SSH2: variants seen among roughly 807,000 people sequenced by gnomAD.
SSH2 encodes the protein protein phosphatase Slingshot homolog 2.
Under a neutral mutation model 135.2 loss-of-function variants are expected in SSH2, and 37 were observed. That is an observed-to-expected ratio of 0.27 (90% CI 0.21 to 0.36). The LOEUF (loss-of-function observed/expected upper bound fraction) is 0.36. Ranked by LOEUF, SSH2 falls within the 10% of genes least tolerant of loss-of-function variation. The probability of loss-of-function intolerance (pLI) is 1.00; values close to 1 mark genes in which losing one functional copy is unlikely to be tolerated. For synonymous variants in SSH2, 628 were observed against 646.2 expected (o/e 0.97, Z 0.43); for missense variants, 1,408 against 1,765.3 (o/e 0.80, Z 3.63).
chr17:29,746,547 C>CAAAAAAA (rs57217896), intron 3 of SSH2, among the ~76,000 whole-genome samples: 2 of 67,938 alleles, frequency 2.9e-5, no homozygotes, highest in Non-Finnish European at 5.2e-5. Context: ...GACTCTGTCT[C>CAAAAAAA]AAAAAAAAAA....
intron 15 of SSH2, among the ~76,000 whole-genome samples, chr17:29,633,622 C>T (rs959297345): frequency 6.6e-6 from 1 of 152,252 alleles, no homozygotes; most frequent in African/African-American, 2.4e-5. Flanking sequence ...ACTTGGCTTA[C>T]ACAGCCACAT....
chr17:29,853,086 A>ATTTT (rs35782935), intron 1 of SSH2, among the ~76,000 whole-genome samples: 5 of 134,772 alleles, frequency 3.7e-5, no homozygotes, highest in Admixed American at 1.6e-4. Context: ...CACTGCAGAG[A>ATTTT]TTTTTTTTTT....
At chr17:29,928,514 C>T in intron 1 of SSH2, 1 of 398,516 alleles carries the variant, frequency 2.5e-6, no homozygotes, top group East Asian at 3.6e-5. Context: ...CAGTGCACTC[C>T]ACTGTTACAA....
intron 3 of SSH2, among the ~76,000 whole-genome samples, chr17:29,719,604 G>C (rs1301242810): frequency 6.6e-6 from 1 of 151,054 alleles, no homozygotes; most frequent in Non-Finnish European, 1.5e-5. Flanking sequence ...ATGATGCCTA[G>C]TACTTTACAA....
At chr17:29,664,776 A>G (rs1215950328) in intron 11 of SSH2, among the ~76,000 whole-genome samples, 4 of 152,204 alleles carry the variant, frequency 2.6e-5, no homozygotes, top group Non-Finnish European at 5.9e-5. Context: ...TTGATTAGAG[A>G]AATGTAATTT....
rs573156211 is a variant in SSH2, at chr17:29,909,729, C to T, written c.63+20209G>A. ...GTATTTGTTATTTCCAGTGCTTACA[C>T]TGAGCAAAAAAACCACCCCATTACC... On this transcript the variant is annotated intron_variant, in intron 1 of 15. Coordinates refer to ENST00000540801, the MANE Select transcript of SSH2 (RefSeq NM_001282129.2). Among the ~76,000 whole-genome samples the T allele has an allele frequency of 3.9e-5, 6 of 152,246 alleles. No homozygotes were observed. In the South Asian group the frequency reaches 1.2e-3, roughly 32 times the overall value.
At chr17:29,928,512 T>TG in intron 1 of SSH2, 1 of 398,572 alleles carries the variant, frequency 2.5e-6, no homozygotes, top group East Asian at 3.6e-5. Context: ...GGCAGTGCAC[T>TG]CCACTGTTAC....
rs771700773 is a variant in SSH2 at position 29,628,287 on chromosome 17, T to C, written c.*2554A>G. ...AATTAAATGATAAAAAAAGTAATTA[T>C]AAAAAGGCAGAAAGACTTTCCTCTG... On this transcript the variant is annotated 3_prime_UTR_variant, in exon 16 of 16. Transcript: ENST00000540801. The C allele has an allele frequency of 1.3e-5, 2 of 152,234 alleles. No individual in the cohort carries two copies. Among genetic ancestry groups the C allele is most frequent in the Non-Finnish European group, 2.9e-5 (2 of 68,042 alleles). 9.4% of individuals were successfully genotyped at this position (152,234 alleles called of 1,614,324 possible).
chr17:29,854,856 G>C (rs200732635), intron 1 of SSH2, among the ~76,000 whole-genome samples: 1 of 151,702 alleles, frequency 6.6e-6, no homozygotes, highest in East Asian at 2.0e-4. Flanking sequence ...CTGAGGCAGG[G>C]GAATCACTTG....
intron 6 of SSH2, among the ~76,000 whole-genome samples, chr17:29,681,331 C>CAAA (rs764461213): frequency 0.027 from 382 of 14,266 alleles, 62 homozygotes; most frequent in African/African-American, 0.03. Flanking sequence ...GAGACTGTCT[C>CAAA]AAAAAAAAAA....
chr17:29,731,071 C>T (rs2040173587), intron 3 of SSH2, among the ~76,000 whole-genome samples: 1 of 152,166 alleles, frequency 6.6e-6, no homozygotes, highest in Non-Finnish European at 1.5e-5. Context: ...TTTCTAATCA[C>T]ACTTCACTTA....
chr17:29,801,701 G>A (rs961982606), intron 2 of SSH2, among the ~76,000 whole-genome samples: 2 of 152,094 alleles, frequency 1.3e-5, no homozygotes, highest in African/African-American at 2.4e-5. Flanking sequence ...TCTCCTTAAG[G>A]GCAGGAACTA....
intron 3 of SSH2, among the ~76,000 whole-genome samples, chr17:29,745,047 A>G (rs1427652938): frequency 6.6e-6 from 1 of 152,166 alleles, no homozygotes; most frequent in African/African-American, 2.4e-5. Context: ...CTTCCTAAAT[A>G]AACTATGTAA....
intron 1 of SSH2, among the ~76,000 whole-genome samples, chr17:29,886,153 C>T (rs1272748982): frequency 6.6e-6 from 1 of 151,906 alleles, no homozygotes; most frequent in Non-Finnish European, 1.5e-5. Flanking sequence ...ACTTGGAGGG[C>T]TCAGAAGACA....
At chr17:29,651,510 C>A (rs2036577265) in intron 12 of SSH2, among the ~76,000 whole-genome samples, 1 of 152,222 alleles carries the variant, frequency 6.6e-6, no homozygotes, top group Non-Finnish European at 1.5e-5. Context: ...ATCTTTCTCA[C>A]TGCACAATCT....
chr17:29,928,847 A>T (rs1484689322), intron 1 of SSH2, among the ~76,000 whole-genome samples: 2 of 152,108 alleles, frequency 1.3e-5, no homozygotes, highest in African/African-American at 4.8e-5. Flanking sequence ...AGTGTTTATT[A>T]AATACCTTTT....
chr17:29,648,934 T>C (rs970055835), intron 13 of SSH2, among the ~76,000 whole-genome samples: 6 of 151,552 alleles, frequency 4.0e-5, no homozygotes, highest in African/African-American at 1.5e-4. Context: ...AGGTCAGGAG[T>C]TCAAGACCAA....
intron 1 of SSH2, chr17:29,856,078 G>T: frequency 3.0e-6 from 1 of 334,182 alleles, no homozygotes; most frequent in South Asian, 2.6e-5. Flanking sequence ...CAGGAGCATG[G>T]GTCTCTTGAT....
At chr17:29,771,323 T>C (rs571558921) in intron 3 of SSH2, among the ~76,000 whole-genome samples, 4 of 152,388 alleles carry the variant, frequency 2.6e-5, no homozygotes, top group African/African-American at 7.2e-5. Context: ...TTGTGGACTT[T>C]ATATAGCCTA....
Sources: gnomAD v4.1 joint callset for allele counts (sites outside exome capture counted in the v4.1 genomes callset) on GRCh38, gnomAD v4.1.1 for gene constraint, MANE v1.5 for transcripts, NCBI Gene and HGNC (gene_info 2026-07-23, HGNC 2026-07-21) for gene names.